ZNF101: variants seen among roughly 807,000 people sequenced by gnomAD.
ZNF101 encodes zinc finger protein 101 (Y2).
Under a neutral mutation model 42.6 loss-of-function variants are expected in ZNF101, and 34 were observed. That is an observed-to-expected ratio of 0.80 (90% CI 0.61 to 1.06). The LOEUF is 1.06. Among genes scored for constraint, ZNF101 ranks in the 50% least tolerant of loss-of-function variants. ZNF101 has a pLI of 0.00. For missense variants in ZNF101, 466 were observed against 530.9 expected (o/e 0.88, Z 1.20); for synonymous variants, 158 against 183.9 (o/e 0.86, Z 1.14).
In ZNF101 at chr19:19,677,978, C is replaced by A; in HGVS notation, c.118C>A (p.Leu40Met). ...TGTGACGCTGGAAACCTTCAGGAACCTGGCCTCGGTCGGTAAGAAGGACAT... is the reference window on the plus strand; with the variant it reads ...TGTGACGCTGGAAACCTTCAGGAACATGGCCTCGGTCGGTAAGAAGGACAT... The part of the protein sequence containing the change: ...RDVTLETFRN[L>M]ASVGIQWKDQ... The change falls in exon 2 of 4, where the codon CTG becomes ATG. Residue 40 changes from leucine to methionine, a missense_variant. Coordinates refer to ENST00000592502, the MANE Select transcript of ZNF101 (RefSeq NM_033204.4). 1 of 1,611,308 alleles carries A rather than the reference C, an allele frequency of 6.2e-7. No individual in the cohort carries two copies. The highest frequency in any genetic ancestry group is 8.5e-7 in the Non-Finnish European group (1 of 1,178,330).
chr19:19,669,116 G>A, intron 1 of ZNF101, 150 bp downstream of exon 1: 1 of 1,206,006 alleles, frequency 8.3e-7, no homozygotes, highest in Non-Finnish European at 1.1e-6. Flanking sequence ...TCGGTCGCCG[G>A]GTGGAGCTGG....
At chr19:19,668,815 G>T (rs546421261), upstream of ZNF101, 5 of 986,164 alleles carry the variant, frequency 5.1e-6, no homozygotes, top group Non-Finnish European at 7.2e-6. Context: ...AGCCCGAAGC[G>T]GTCTCATTTC....
chr19:19,678,444 C>T (rs777641488), intron 2 of ZNF101, among the ~76,000 whole-genome samples: 2 of 151,796 alleles, frequency 1.3e-5, no homozygotes, highest in Non-Finnish European at 2.9e-5. Flanking sequence ...GGCGAAACCT[C>T]ATCTCTACTA....
chr19:19,669,094 C>T, intron 1 of ZNF101, 128 bp downstream of exon 1: 1 of 1,316,140 alleles, frequency 7.6e-7, no homozygotes, highest in Non-Finnish European at 1.0e-6. Flanking sequence ...CGCAGCTCGA[C>T]CCTTGGTCCC....
chr19:19,676,516 G>C (rs766549623), intron 1 of ZNF101: 1 of 152,136 alleles, frequency 6.6e-6, no homozygotes, highest in Non-Finnish European at 1.5e-5. Context: ...TTGGTGTTAG[G>C]TAAGCCATCC....
At chr19:19,672,181 T>C (rs1262873080) in intron 1 of ZNF101, 1 of 149,850 alleles carries the variant, frequency 6.7e-6, no homozygotes, top group African/African-American at 2.4e-5. Context: ...TATTTATAAA[T>C]TTATTTATTT....
At chr19:19,673,779 T>G (rs1475253613) in intron 1 of ZNF101, among the ~76,000 whole-genome samples, 1 of 148,514 alleles carries the variant, frequency 6.7e-6, no homozygotes, top group African/African-American at 2.5e-5. Flanking sequence ...TTGTTGAGGC[T>G]TTTTAAATTA....
Position 19,679,569 on chromosome 19 carries a change from A to G in ZNF101, c.580A>G (p.Lys194Glu). The change falls in exon 4 of 4, where the codon AAG becomes GAG. Residue 194 changes from lysine to glutamate, a missense_variant. Transcript: ENST00000592502. Reference protein sequence around the residue: ...FQIHQRTHTGKRSYKCREIVR... With the variant: ...FQIHQRTHTGERSYKCREIVR... ...AATCCATCAAAGAACTCACACTGGA[A>G]AGAGGTCCTATAAATGTAGGGAAAT... 1 of 1,614,088 alleles carries G rather than the reference A, an allele frequency of 6.2e-7. No homozygotes were observed. Among genetic ancestry groups the G allele is most frequent in the Admixed American group, 1.7e-5 (1 of 59,996 alleles).
At position 19,682,219 on chromosome 19, in the gene ZNF101, G is replaced by A. The variant is rs1238192149; in HGVS notation, c.*1919G>A. 1 of 149,690 alleles carries A rather than the reference G, an allele frequency of 6.7e-6. No individual in the cohort carries two copies. The highest frequency in any genetic ancestry group is 2.5e-5 in the African/African-American group (1 of 40,508). The allele number at this position is 149,690 out of a possible 1,614,324, so 9.3% of individuals were successfully genotyped here. ...ATTACAGGTGTGAGCCACCGCGCCT[G>A]GCCTTTTTTTTTTTTCCCGAGACAC... On this transcript the variant is annotated 3_prime_UTR_variant, in exon 4 of 4. Transcript: ENST00000592502.
At chr19:19,675,146 T>C (rs1011020704) in intron 1 of ZNF101, among the ~76,000 whole-genome samples, 1 of 151,474 alleles carries the variant, frequency 6.6e-6, no homozygotes, top group African/African-American at 2.4e-5. Flanking sequence ...TAATTTATTT[T>C]ATTTTTTTGA....
At chr19:19,670,071 C>CA (rs1159305046) in intron 1 of ZNF101, among the ~76,000 whole-genome samples, 2 of 152,154 alleles carry the variant, frequency 1.3e-5, no homozygotes, top group Non-Finnish European at 2.9e-5. Context: ...CAGGACCGTC[C>CA]AGGGACTTCT....
chr19:19,674,423 G>C (rs1372407718), intron 1 of ZNF101, among the ~76,000 whole-genome samples: 1 of 152,074 alleles, frequency 6.6e-6, no homozygotes, highest in South Asian at 2.1e-4. Context: ...TGATCTACTC[G>C]CCTCGACCTC....
intron 1 of ZNF101, chr19:19,677,543 A>G (rs2062209503): frequency 4.5e-6 from 1 of 224,628 alleles, no homozygotes; most frequent in Non-Finnish European, 8.8e-6. Context: ...CTGTCTGCAC[A>G]CCAGGTGGTG....
At chr19:19,669,776 C>T (rs1307812043) in intron 1 of ZNF101, among the ~76,000 whole-genome samples, 1 of 152,178 alleles carries the variant, frequency 6.6e-6, no homozygotes, top group Non-Finnish European at 1.5e-5. Flanking sequence ...AGCCACTGCG[C>T]CTGGCAAGAC....
At chr19:19,669,534 C>T (rs1013209820) in intron 1 of ZNF101, among the ~76,000 whole-genome samples, 2 of 152,198 alleles carry the variant, frequency 1.3e-5, no homozygotes, top group Non-Finnish European at 2.9e-5. Context: ...CACTCTGTCG[C>T]CCAGGCTGGA....
At chr19:19,672,628 C>T (rs540835907) in intron 1 of ZNF101, among the ~76,000 whole-genome samples, 8 of 151,934 alleles carry the variant, frequency 5.3e-5, no homozygotes, top group African/African-American at 1.4e-4. Context: ...CAGGTTCAAA[C>T]GATTTTCCTG....
rs2062244249 is a variant in ZNF101 at position 19,682,274 on chromosome 19, CA to C, written c.*1975del. 6.6e-6 allele frequency: 1 copy of C among 151,536 alleles called. No individual in the cohort carries two copies. Among genetic ancestry groups the C allele is most frequent in the East Asian group, 1.9e-4 (1 of 5,178 alleles). 9.4% of individuals were successfully genotyped at this position (151,536 alleles called of 1,614,324 possible). The stretch of plus-strand genomic sequence containing the variant: ...TCACTCTGTTGCCCAGGCTAGAGTG[CA>C]GTGGCGCGATCTTGACTCACTGTAA... On this transcript the variant is annotated 3_prime_UTR_variant, in exon 4 of 4. Coordinates refer to ENST00000592502, the MANE Select transcript of ZNF101 (RefSeq NM_033204.4).
chr19:19,675,029 C>T (rs2062193615), intron 1 of ZNF101, among the ~76,000 whole-genome samples: 1 of 152,014 alleles, frequency 6.6e-6, no homozygotes, highest in East Asian at 1.9e-4. Context: ...ACCGTGTTAG[C>T]CAGGATGGTC....
rs1242173608 is a variant in ZNF101 at position 19,680,442 on chromosome 19, C to T, written c.*142C>T. ...GACTAGCCTGGCCAACATGGTGAAA[C>T]CCCGTCTCTACTAAAAATACAAAAA... On this transcript the variant is annotated 3_prime_UTR_variant, in exon 4 of 4. Transcript: ENST00000592502. The T allele has an allele frequency of 4.5e-6, 2 of 440,236 alleles. No individual in the cohort carries two copies. Among genetic ancestry groups the T allele is most frequent in the East Asian group, 6.9e-5 (2 of 29,006 alleles). The allele number at this position is 440,236 out of a possible 1,614,324, so 27.3% of individuals were successfully genotyped here.
Sources: allele counts gnomAD v4.1 joint callset (sites outside exome capture counted in the v4.1 genomes callset), GRCh38; gene constraint gnomAD v4.1.1; transcripts MANE v1.5; gene names NCBI Gene and HGNC (gene_info 2026-07-23, HGNC 2026-07-21).